TROAP: variants seen among roughly 807,000 people sequenced by gnomAD.
TROAP encodes tastin.
In TROAP, 62 loss-of-function variants were observed where a neutral mutation model predicts 83.4. That is an observed-to-expected ratio of 0.74 (90% CI 0.61 to 0.92). TROAP has a LOEUF of 0.92. TROAP is among the 40% of genes least tolerant of loss of function. The probability of loss-of-function intolerance (pLI) is 0.00; values close to 1 mark genes in which losing one functional copy is unlikely to be tolerated. For synonymous variants in TROAP, 352 were observed against 386.4 expected (o/e 0.91, Z 1.04); for missense variants, 876 against 985.1 (o/e 0.89, Z 1.48).
chr12:49,330,541 A>C lies in TROAP; in HGVS notation c.1696A>C (p.Ile566Leu). The C allele has an allele frequency of 2.5e-6, 4 of 1,613,240 alleles. No homozygotes were observed. The highest frequency in any genetic ancestry group is 3.4e-6 in the Non-Finnish European group (4 of 1,179,624). The change falls in exon 13 of 15, where the codon ATA (isoleucine) becomes CTA (leucine). Residue 566 changes from isoleucine to leucine, a missense_variant. Physicochemically the swap from Ile to Leu is conservative, Grantham distance 5. Around this residue, in one of 3 missense-constraint regions of TROAP, gnomAD observed 689 missense variants for 722.6 expected, o/e 0.95. Transcript: ENST00000257909. Reference sequence around the variant, plus strand: ...GTCCTGCTGTAGGAGTGAGCCTGAGATACCGGAGTCCTCTCGCCAGGAACA... The same window carrying C: ...GTCCTGCTGTAGGAGTGAGCCTGAGCTACCGGAGTCCTCTCGCCAGGAACA... ...LESCCRSEPE[I>L]PESSRQEQLE...
chr12:49,331,336 G>A lies in TROAP; in HGVS notation c.2221G>A (p.Ala741Thr), dbSNP rs750971571. The change falls in exon 14 of 15, where the codon GCC becomes ACC. Residue 741 changes from alanine (A) to threonine (T), a missense_variant. Transcript: ENST00000257909. ...TGAGTGTGCCTTTTACACCAGCCGA[G>A]CCCCTCCCTCAGGCCCCACCCGGGT... ...DDECAFYTSR[A>T]PPSGPTRVCT... 1.9e-6 allele frequency: 3 copies of A among 1,614,178 alleles called. No homozygotes were observed. Among genetic ancestry groups the A allele is most frequent in the Non-Finnish European group, 2.5e-6 (3 of 1,180,036 alleles).
chr12:49,329,109 C>G lies in TROAP; in HGVS notation c.1021-52C>G. On this transcript the variant is annotated intron_variant, in intron 9 of 14. Transcript: ENST00000257909. The surrounding 1 kb of genome is among the most constrained non-coding windows in gnomAD (Gnocchi z 4.5). ...GGGGCAGAACAGTCTGGCCGGAGAT[C>G]CTTGCTATGTCTGGGTTTTGTCCCT... 1 of 1,614,126 alleles carries G rather than the reference C, an allele frequency of 6.2e-7. No homozygotes were observed. Among genetic ancestry groups the G allele is most frequent in the Non-Finnish European group, 8.5e-7 (1 of 1,179,996 alleles).
Position 49,330,336 on chromosome 12 carries a change from C to T in TROAP, c.1491C>T (p.His497=). Residue 497 remains histidine, a synonymous_variant, in exon 13 of 15, where the codon CAC becomes CAT. Transcript: ENST00000257909. Reference sequence around the variant, plus strand: ...CCCACCTTCCTGGACTGTTAAAACACTCAGGGCTGCCAAAGCCCTGTCTTC... The same window carrying T: ...CCCACCTTCCTGGACTGTTAAAACATTCAGGGCTGCCAAAGCCCTGTCTTC... ...GTSHLPGLLK[H]SGLPKPCLPE... 6.2e-7 allele frequency: 1 copy of T among 1,614,150 alleles called. No homozygotes were observed. Among genetic ancestry groups the T allele is most frequent in the South Asian group, 1.1e-5 (1 of 91,090 alleles).
In TROAP at chr12:49,329,566, C is replaced by A. The variant is rs1685760603; in HGVS notation, c.1164+112C>A. 1 of 1,290,920 alleles carries A rather than the reference C, an allele frequency of 7.7e-7. No homozygotes were observed. Among genetic ancestry groups the A allele is most frequent in the South Asian group, 1.4e-5 (1 of 69,504 alleles). 80.0% of individuals were successfully genotyped at this position (1,290,920 alleles called of 1,614,324 possible). ...CTGGGCCAGGCATGGTGGCTCACAC[C>A]TGTAATCCCAGCACTTTGGGAGGCT... On this transcript the variant is annotated intron_variant, in intron 11 of 14. Coordinates refer to ENST00000257909, the MANE Select transcript of TROAP (RefSeq NM_005480.4). This position sits in a 1 kb window ranked among gnomAD's most constrained non-coding sequence, Gnocchi z 4.5.
chr12:49,329,069 A>G lies in TROAP; in HGVS notation c.1020+14A>G, dbSNP rs747963528. 24 of 1,612,688 alleles carry G rather than the reference A, an allele frequency of 1.5e-5. No individual in the cohort carries two copies. The highest frequency in any genetic ancestry group is 6.7e-5 in the East Asian group (3 of 44,836). ...CCTCCAACTCTGGTTTGTGTCAACA[A>G]CTGGGGGCTGGGCAGGGGCAGAACA... On this transcript the variant is annotated intron_variant, in intron 9 of 14. Transcript: ENST00000257909. This position sits in a 1 kb window ranked among gnomAD's most constrained non-coding sequence, Gnocchi z 4.5.
rs1044327500 is a variant in TROAP, at chr12:49,331,344, C to T, written c.2229C>T (p.Pro743=). The change falls in exon 14 of 15, where the codon CCC becomes CCT. Residue 743 remains proline, a synonymous_variant. Transcript: ENST00000257909. The part of the protein sequence containing the change: ...ECAFYTSRAP[P]SGPTRVCTNP... ...CCTTTTACACCAGCCGAGCCCCTCC[C>T]TCAGGCCCCACCCGGGTCTGCACCA... 1 of 1,614,106 alleles carries T rather than the reference C, an allele frequency of 6.2e-7. No homozygotes were observed. Among genetic ancestry groups the T allele is most frequent in the African/African-American group, 1.3e-5 (1 of 74,944 alleles).
chr12:49,330,469 C>T lies in TROAP; in HGVS notation c.1624C>T (p.Leu542Phe). Reference protein sequence around the residue: ...EIPEPSLQEQLEVPEPYPPAE... With the variant: ...EIPEPSLQEQFEVPEPYPPAE... Reference sequence around the variant, plus strand: ...ACCAGAGCCCTCCCTCCAGGAACAGCTTGAAGTACCAGAGCCCTACCCTCC... The same window carrying T: ...ACCAGAGCCCTCCCTCCAGGAACAGTTTGAAGTACCAGAGCCCTACCCTCC... The change falls in exon 13 of 15, where the codon CTT becomes TTT. Residue 542 changes from leucine to phenylalanine, a missense_variant. Physicochemically the swap from Leu to Phe is conservative, Grantham distance 22. Around this residue, in one of 3 missense-constraint regions of TROAP, gnomAD observed 689 missense variants for 722.6 expected, o/e 0.95. Transcript: ENST00000257909. 2 of 1,613,660 alleles carry T rather than the reference C, an allele frequency of 1.2e-6. No individual in the cohort carries two copies. The highest frequency in any genetic ancestry group is 2.2e-5 in the East Asian group (1 of 44,868).
Position 49,323,850 on chromosome 12 carries a change from G to C in TROAP, c.150G>C (p.Trp50Cys). 3 of 1,613,976 alleles carry C rather than the reference G, an allele frequency of 1.9e-6. No homozygotes were observed. Among genetic ancestry groups the C allele is most frequent in the Non-Finnish European group, 2.5e-6 (3 of 1,180,020 alleles). ...VDQENQDPRR[W>C]VQKPPLNIQR... The stretch of plus-strand genomic sequence containing the variant: ...GTCCCCGCTCCCTCCCCTAGAGATG[G>C]GTGCAGAAACCACCGCTCAATATTC... The change falls in exon 3 of 15, where the codon TGG (tryptophan) becomes TGC (cysteine). Residue 50 changes from tryptophan to cysteine, a missense_variant. By Grantham distance (215) the Trp-to-Cys change is radical. Coordinates refer to ENST00000257909, the MANE Select transcript of TROAP (RefSeq NM_005480.4).
intron 8 of TROAP, among the ~76,000 whole-genome samples, chr12:49,328,656 A>T (rs1943534882): frequency 6.6e-6 from 1 of 152,022 alleles, no homozygotes; most frequent in South Asian, 2.1e-4. Flanking sequence ...CGAGGTCAGG[A>T]GATCGAGACC....
rs767388635 is a variant in TROAP at position 49,330,898 on chromosome 12, C to A, written c.2053C>A (p.Pro685Thr). Residue 685 changes from proline (P) to threonine (T), a missense_variant, in exon 13 of 15, where the codon CCT becomes ACT. Pro to Thr is a conservative substitution (Grantham distance 38). Coordinates refer to ENST00000257909, the MANE Select transcript of TROAP (RefSeq NM_005480.4). ...CCAACACCCGCTTTGTGCCAGCCCCCCTATCTGCTCACTCCAGTCTTTGAG... is the reference window on the plus strand; with the variant it reads ...CCAACACCCGCTTTGTGCCAGCCCCACTATCTGCTCACTCCAGTCTTTGAG... ...SSQHPLCASPPICSLQSLRPP... is the reference protein window; with the variant it reads ...SSQHPLCASPTICSLQSLRPP... 9.9e-6 allele frequency: 16 copies of A among 1,612,640 alleles called. No individual in the cohort carries two copies. Among genetic ancestry groups the A allele is most frequent in the African/African-American group, 1.3e-5 (1 of 74,924 alleles).
Position 49,325,750 on chromosome 12 carries a change from G to A in TROAP, c.499G>A (p.Val167Ile), listed in dbSNP as rs965825567. The A allele has an allele frequency of 1.9e-6, 3 of 1,613,686 alleles. No homozygotes were observed. The highest frequency in any genetic ancestry group is 1.1e-5 in the South Asian group (1 of 91,002). The change falls in exon 5 of 15, where the codon GTT becomes ATT. Residue 167 changes from valine to isoleucine, a missense_variant. By Grantham distance (29) the Val-to-Ile change is conservative. Coordinates refer to ENST00000257909, the MANE Select transcript of TROAP (RefSeq NM_005480.4). The part of the protein sequence containing the change: ...QGGTTQRVQG[V>I]RASAYLAPRT... ...ACAGCCTCTGTTGGTGTCCCAGGGT[G>A]TTCGGGCCTCTGCATATTTGGCCCC...
Position 49,330,363 on chromosome 12 carries a change from AGAG to A in TROAP, c.1522_1524del (p.Glu508del). ...CAGGGCTGCCAAAGCCCTGTCTTCC[AGAG>A]GAGTGCGGGGAACCACAGCCCTGCC... On this transcript the variant is annotated inframe_deletion, in exon 13 of 15. Coordinates refer to ENST00000257909, the MANE Select transcript of TROAP (RefSeq NM_005480.4). 1.9e-6 allele frequency: 3 copies of A among 1,614,166 alleles called. No individual in the cohort carries two copies. Among genetic ancestry groups the A allele is most frequent in the Non-Finnish European group, 8.5e-7 (1 of 1,180,004 alleles).
rs557193299 is a variant in TROAP, at chr12:49,324,892, T to C, written c.338-609T>C. Among the ~76,000 whole-genome samples the C allele has an allele frequency of 4.7e-5, 7 of 148,866 alleles. No individual in the cohort carries two copies. The South Asian group carries it at 1.5e-3, about 32-fold the overall frequency. The stretch of plus-strand genomic sequence containing the variant: ...ACCAGCACCTGCCACCACACCCAGC[T>C]AATTTTTGTTTTCTTTCTTTTTTTT... On this transcript the variant is annotated intron_variant, in intron 3 of 14. Coordinates refer to ENST00000257909, the MANE Select transcript of TROAP (RefSeq NM_005480.4).
rs778083169 is a variant in TROAP, at chr12:49,325,780, A to G, written c.529A>G (p.Thr177Ala). The change falls in exon 5 of 15, where the codon ACC (threonine) becomes GCC (alanine). Residue 177 changes from threonine (T) to alanine (A), a missense_variant. Around this residue, in one of 3 missense-constraint regions of TROAP, gnomAD observed 689 missense variants for 722.6 expected, o/e 0.95. Transcript: ENST00000257909. ...GGCCTCTGCATATTTGGCCCCCAGA[A>G]CCCCCACCCACCGACTGGACCCTGC... ...VRASAYLAPR[T>A]PTHRLDPARA... is the part of the protein sequence containing the mutation. 18 of 1,613,322 alleles carry G rather than the reference A, an allele frequency of 1.1e-5. No homozygotes were observed. Among genetic ancestry groups the G allele is most frequent in the Non-Finnish European group, 1.4e-5 (17 of 1,179,860 alleles).
rs1943549666 is a variant in TROAP at position 49,329,637 on chromosome 12, G to A, written c.1164+183G>A. On this transcript the variant is annotated intron_variant, in intron 11 of 14. Transcript: ENST00000257909. The surrounding 1 kb of genome is among the most constrained non-coding windows in gnomAD (Gnocchi z 4.5). ...GCTCAGATCTTTGAGACCAGCCTGG[G>A]CAACATAGTGAGACCCTGTCTCCAC... 4 of 969,276 alleles carry A rather than the reference G, an allele frequency of 4.1e-6. No homozygotes were observed. The highest frequency in any genetic ancestry group is 2.6e-5 in the Admixed American group (1 of 38,056). The allele number at this position is 969,276 out of a possible 1,614,324, so 60.0% of individuals were successfully genotyped here. A position where few individuals can be genotyped will look rare whatever the true frequency, so the allele number is the denominator to read the frequency against.
Position 49,323,903 on chromosome 12 carries a change from C to T in TROAP, c.203C>T (p.Pro68Leu), listed in dbSNP as rs148280241. The change falls in exon 3 of 15, where the codon CCC becomes CTC. Residue 68 changes from proline to leucine, a missense_variant. Physicochemically the swap from Pro to Leu is moderately conservative, Grantham distance 98. Around this residue, in one of 3 missense-constraint regions of TROAP, gnomAD observed 689 missense variants for 722.6 expected, o/e 0.95. Coordinates refer to ENST00000257909, the MANE Select transcript of TROAP (RefSeq NM_005480.4). ...IQRPLVDSAG[P>L]RPKARHQAET... ...CGCCCCCTCGTTGATTCAGCAGGCC[C>T]CAGGCCGAAAGCCAGGCACCAGGCA... 375 of 1,614,088 alleles carry T rather than the reference C, an allele frequency of 2.3e-4. 9 individuals are homozygous for T. The South Asian group carries it at 4.0e-3, about 17-fold the overall frequency.
At chr12:49,326,759 G>A in intron 7 of TROAP, 39 bp downstream of exon 7, 1 of 1,552,360 alleles carries the variant, frequency 6.4e-7, no homozygotes, top group East Asian at 2.4e-5. Context: ...AGGGGCAGTT[G>A]GGCTGCCTGA....
chr12:49,328,940 C>T lies in TROAP; in HGVS notation c.905C>T (p.Ser302Phe). ...TCTTCTTCACAGGACAGCCATGACT[C>T]CCACCTGATGCCCTCCCCTGCCCCT... ...EMSHTRDSHD[S>F]HLMPSPAPVA... Residue 302 changes from serine (S) to phenylalanine (F), a missense_variant, in exon 9 of 15, where the codon TCC (serine) becomes TTC (phenylalanine). Physicochemically the swap from Ser to Phe is radical, Grantham distance 155 (BLOSUM62 -2). Transcript: ENST00000257909. 1 of 1,573,716 alleles carries T rather than the reference C, an allele frequency of 6.4e-7. No homozygotes were observed. The highest frequency in any genetic ancestry group is 8.6e-7 in the Non-Finnish European group (1 of 1,158,774).
At chr12:49,325,711 C>G in intron 4 of TROAP, 36 bp from the exon 5 acceptor site, 1 of 1,612,942 alleles carries the variant, frequency 6.2e-7, no homozygotes, top group Non-Finnish European at 8.5e-7. Context: ...AGGGGGGCAT[C>G]CTGAGCAGTG....
Sources: allele counts gnomAD v4.1 joint callset (sites outside exome capture counted in the v4.1 genomes callset), GRCh38; gene constraint gnomAD v4.1.1; regional missense constraint gnomAD v4.1.1; non-coding constraint Gnocchi (gnomAD v3.1); transcripts MANE v1.5; gene names NCBI Gene and HGNC (gene_info 2026-07-23, HGNC 2026-07-21).